CSMD1: variants seen among roughly 807,000 people sequenced by gnomAD.
The protein encoded by CSMD1 is CUB and sushi domain-containing protein 1.
In CSMD1, 213 loss-of-function variants were observed where a neutral mutation model predicts 417.5. The observed-to-expected ratio is 0.51, with a 90% CI of 0.46 to 0.57. CSMD1 has a LOEUF of 0.57. CSMD1 is among the 20% of genes least tolerant of loss of function. The pLI, the probability that CSMD1 is intolerant of heterozygous loss-of-function variation, is 0.00. For synonymous variants in CSMD1, 2,862 were observed against 1,736.8 expected (o/e 1.65, Z -16.11); for missense variants, 6,923 against 4,529.7 (o/e 1.53, Z -15.17).
At chr8:4,005,796 T>G (rs927142162) in intron 4 of CSMD1, among the ~76,000 whole-genome samples, 2 of 152,192 alleles carry the variant, frequency 1.3e-5, no homozygotes, top group Non-Finnish European at 2.9e-5. Flanking sequence ...TGTCAGAATC[T>G]CATTTGCACT....
At chr8:4,878,240 G>A (rs1251246124) in intron 1 of CSMD1, among the ~76,000 whole-genome samples, 2 of 151,992 alleles carry the variant, frequency 1.3e-5, no homozygotes, top group East Asian at 3.9e-4. Context: ...GAAAGGGTCA[G>A]GGAAGGAAAG....
chr8:3,425,485 G>A (rs1585146167), intron 12 of CSMD1, among the ~76,000 whole-genome samples: 4 of 151,892 alleles, frequency 2.6e-5, no homozygotes, highest in African/African-American at 4.8e-5. Context: ...CTACTTGGGA[G>A]GCTGAGGCAG....
chr8:3,040,410 AT>A lies in CSMD1; in HGVS notation c.7661-10898del, dbSNP rs1563268281. On this transcript the variant is annotated intron_variant, in intron 50 of 69. Transcript: ENST00000635120. ...GAAATATATATATATATATATATAT[AT>A]ATAACAGAAATATATATATGTATAT... Among the ~76,000 whole-genome samples the A allele has an allele frequency of 1.9e-3, 273 of 144,854 alleles. 1 individual carries two copies. The highest frequency in any genetic ancestry group is 5.9e-3 in the African/African-American group (228 of 38,660).
At chr8:3,492,029 G>C (rs1038604117) in intron 11 of CSMD1, among the ~76,000 whole-genome samples, 1 of 152,158 alleles carries the variant, frequency 6.6e-6, no homozygotes, top group East Asian at 1.9e-4. Context: ...GGGTAGGAAG[G>C]GATGAGGAAA....
chr8:3,165,218 G>T (rs993981513), intron 37 of CSMD1, among the ~76,000 whole-genome samples: 2 of 151,842 alleles, frequency 1.3e-5, no homozygotes, highest in Non-Finnish European at 2.9e-5. Context: ...TTAATACCTG[G>T]TATGTGTAAG....
intron 3 of CSMD1, among the ~76,000 whole-genome samples, chr8:4,316,418 A>C (rs942020666): frequency 6.6e-6 from 1 of 152,268 alleles, no homozygotes; most frequent in East Asian, 1.9e-4. Context: ...CAATTTCTTC[A>C]TATATTAGGT....
chr8:4,126,373 T>C (rs1024967337), intron 3 of CSMD1, among the ~76,000 whole-genome samples: 3 of 152,192 alleles, frequency 2.0e-5, no homozygotes, highest in Non-Finnish European at 4.4e-5. Context: ...GTCTCAGCTA[T>C]TCAGCATTCA....
chr8:4,649,321 T>C (rs1489797551), intron 1 of CSMD1, among the ~76,000 whole-genome samples: 4 of 152,234 alleles, frequency 2.6e-5, no homozygotes, highest in South Asian at 2.1e-4. Flanking sequence ...ACAGTAATGA[T>C]TGTGAACATT....
chr8:3,090,406 T>C (rs1464135654), intron 48 of CSMD1, among the ~76,000 whole-genome samples: 1 of 151,558 alleles, frequency 6.6e-6, no homozygotes, highest in African/African-American at 2.4e-5. Context: ...ATTGCATCGA[T>C]GTCTTTGCAG....
intron 10 of CSMD1, among the ~76,000 whole-genome samples, chr8:3,550,599 C>G (rs1173087127): frequency 6.6e-6 from 1 of 152,212 alleles, no homozygotes; most frequent in Non-Finnish European, 1.5e-5. Context: ...AAGTTCCTTT[C>G]TCTGACCTCA....
At chr8:4,649,433 C>A (rs1477558561) in intron 1 of CSMD1, among the ~76,000 whole-genome samples, 2 of 152,090 alleles carry the variant, frequency 1.3e-5, no homozygotes, top group Non-Finnish European at 2.9e-5. Flanking sequence ...ATGAGAAAAA[C>A]TAAAGAGCTT....
chr8:4,112,086 AG>A (rs1801886457), intron 3 of CSMD1, among the ~76,000 whole-genome samples: 1 of 152,212 alleles, frequency 6.6e-6, no homozygotes, highest in Non-Finnish European at 1.5e-5. Flanking sequence ...TTGAAATAAA[AG>A]GAAACTGAAG....
chr8:3,531,285 T>C (rs1362606974), intron 10 of CSMD1, among the ~76,000 whole-genome samples: 2 of 152,212 alleles, frequency 1.3e-5, no homozygotes, highest in Non-Finnish European at 2.9e-5. Context: ...TAATTATTAT[T>C]ATTTGTTGTT....
At chr8:3,893,343 A>ATATATATATATATATATATATATATATC (rs1807118882) in intron 5 of CSMD1, among the ~76,000 whole-genome samples, 1 of 118,368 alleles carries the variant, frequency 8.4e-6, no homozygotes, top group Admixed American at 9.2e-5. Flanking sequence ...ACAATTTTAT[A>ATATATATATATATATATATATATATATC]TATATATATA....
At chr8:3,454,213 C>G (rs1005950957) in intron 12 of CSMD1, among the ~76,000 whole-genome samples, 2 of 152,212 alleles carry the variant, frequency 1.3e-5, no homozygotes, top group South Asian at 2.1e-4. Context: ...TGTCTCTGCA[C>G]GTTAGATGGG....
chr8:3,715,696 C>T (rs890114493), intron 6 of CSMD1, among the ~76,000 whole-genome samples: 1 of 152,096 alleles, frequency 6.6e-6, no homozygotes, highest in Non-Finnish European at 1.5e-5. Context: ...GCACCTGCCA[C>T]CAAACCCACC....
intron 1 of CSMD1, among the ~76,000 whole-genome samples, chr8:4,835,848 T>C (rs938963352): frequency 3.6e-4 from 54 of 152,040 alleles, no homozygotes; most frequent in African/African-American, 1.3e-3. Flanking sequence ...TCAAGCCAAC[T>C]ACTATGGTCA....
intron 10 of CSMD1, among the ~76,000 whole-genome samples, chr8:3,503,714 A>C (rs943268024): frequency 2.0e-5 from 3 of 152,124 alleles, no homozygotes; most frequent in African/African-American, 4.8e-5. Context: ...CATCCACTGG[A>C]AAGGATTCCT....
At chr8:3,943,182 G>C (rs1397198510) in intron 5 of CSMD1, among the ~76,000 whole-genome samples, 3 of 152,056 alleles carry the variant, frequency 2.0e-5, no homozygotes, top group East Asian at 3.9e-4. Flanking sequence ...ACTCAATTGA[G>C]GATGTTTCCT....
Sources: allele counts gnomAD v4.1 joint callset (sites outside exome capture counted in the v4.1 genomes callset), GRCh38; gene constraint gnomAD v4.1.1; transcripts MANE v1.5; gene names NCBI Gene and HGNC (gene_info 2026-07-23, HGNC 2026-07-21).